The following CSMD1 variants were observed in gnomAD, a reference collection of about 807,000 sequenced individuals.
CSMD1 encodes CUB and Sushi multiple domains 1.
A neutral mutation model predicts 417.5 loss-of-function variants in CSMD1; 213 were observed. That is an observed-to-expected ratio of 0.51 (90% CI 0.46 to 0.57). The LOEUF (loss-of-function observed/expected upper bound fraction) is 0.57. CSMD1 is among the 20% of genes least tolerant of loss of function. CSMD1 has a pLI of 0.00. For missense variants in CSMD1, 6,923 were observed against 4,529.7 expected (o/e 1.53, Z -15.17); for synonymous variants, 2,862 against 1,736.8 (o/e 1.65, Z -16.11).
intron 9 of CSMD1, among the ~76,000 whole-genome samples, chr8:3,576,125 T>C (rs1052290466): frequency 3.9e-5 from 6 of 152,146 alleles, no homozygotes; most frequent in African/African-American, 1.4e-4. Context: ...GTTATTATTC[T>C]AGCAGACTCA....
chr8:2,991,589 C>T (rs935747693), intron 54 of CSMD1, among the ~76,000 whole-genome samples: 1 of 152,048 alleles, frequency 6.6e-6, no homozygotes, highest in Non-Finnish European at 1.5e-5. Context: ...ATTGCCATTT[C>T]CTTATGAGCA....
intron 47 of CSMD1, among the ~76,000 whole-genome samples, chr8:3,095,327 T>C (rs1416214647): frequency 6.6e-6 from 1 of 152,156 alleles, no homozygotes; most frequent in Admixed American, 6.5e-5. Context: ...CAAATAGAGT[T>C]TACCTCTCTT....
chr8:4,963,559 T>C (rs1212037428), intron 1 of CSMD1, among the ~76,000 whole-genome samples: 1 of 152,230 alleles, frequency 6.6e-6, no homozygotes, highest in Admixed American at 6.5e-5. Context: ...TTTTGTGTCT[T>C]TCCTATTGGT....
chr8:3,120,041 G>C (rs1296675003), intron 41 of CSMD1, among the ~76,000 whole-genome samples: 1 of 152,200 alleles, frequency 6.6e-6, no homozygotes, highest in African/African-American at 2.4e-5. Flanking sequence ...CAATATTGGA[G>C]TGAGCCTGTA....
At chr8:4,625,638 T>G (rs1310513743) in intron 2 of CSMD1, among the ~76,000 whole-genome samples, 1 of 151,922 alleles carries the variant, frequency 6.6e-6, no homozygotes, top group Non-Finnish European at 1.5e-5. Flanking sequence ...TTAGAAATAT[T>G]TAATCTAAAA....
At chr8:4,421,255 A>C (rs988466797) in intron 2 of CSMD1, among the ~76,000 whole-genome samples, 1 of 152,206 alleles carries the variant, frequency 6.6e-6, no homozygotes, top group African/African-American at 2.4e-5. Context: ...AAAACAAAAA[A>C]CAAAAAACAG....
At chr8:3,772,051 T>G (rs1400760762) in intron 5 of CSMD1, among the ~76,000 whole-genome samples, 6 of 151,718 alleles carry the variant, frequency 4.0e-5, no homozygotes, top group Non-Finnish European at 8.8e-5. Flanking sequence ...AGTGCGAGCA[T>G]CTGAGTCTGC....
At chr8:4,184,982 T>C (rs1472399095) in intron 3 of CSMD1, among the ~76,000 whole-genome samples, 1 of 151,368 alleles carries the variant, frequency 6.6e-6, no homozygotes, top group Non-Finnish European at 1.5e-5. Flanking sequence ...TATTAAAAAA[T>C]ACAAAAATTA....
intron 1 of CSMD1, among the ~76,000 whole-genome samples, chr8:4,781,284 G>A (rs1797139385): frequency 6.6e-6 from 1 of 152,154 alleles, no homozygotes; most frequent in Non-Finnish European, 1.5e-5. Flanking sequence ...TCAGCATCAT[G>A]AAAACAAAAA....
chr8:3,040,064 G>C (rs544681667), intron 50 of CSMD1, among the ~76,000 whole-genome samples: 50 of 152,276 alleles, frequency 3.3e-4, no homozygotes, highest in Admixed American at 2.7e-3. Flanking sequence ...GTCTCCTATG[G>C]ATTGGTCCAG....
intron 11 of CSMD1, among the ~76,000 whole-genome samples, chr8:3,473,020 G>T (rs1054039925): frequency 6.6e-6 from 1 of 151,808 alleles, no homozygotes; most frequent in Non-Finnish European, 1.5e-5. Context: ...CTGTCTCCTG[G>T]TTCTGGCATT....
intron 3 of CSMD1, among the ~76,000 whole-genome samples, chr8:4,410,307 G>A (rs571313356): frequency 2.8e-4 from 43 of 152,218 alleles, no homozygotes; most frequent in South Asian, 1.0e-3. Flanking sequence ...GGTAATGAGC[G>A]CTTAGTCACC....
chr8:3,562,484 G>A (rs1445304400), intron 10 of CSMD1, among the ~76,000 whole-genome samples: 1 of 148,510 alleles, frequency 6.7e-6, no homozygotes, highest in Admixed American at 6.7e-5. Flanking sequence ...CACACATTAA[G>A]GTTGAACACA....
At chr8:4,519,789 C>A (rs1053019003) in intron 2 of CSMD1, among the ~76,000 whole-genome samples, 4 of 114,228 alleles carry the variant, frequency 3.5e-5, no homozygotes, top group African/African-American at 1.5e-4. Context: ...AAAATTCTTG[C>A]CTTTTGGAGC....
intron 2 of CSMD1, among the ~76,000 whole-genome samples, chr8:4,459,897 T>C (rs1221066186): frequency 1.3e-5 from 2 of 152,130 alleles, no homozygotes; most frequent in African/African-American, 4.8e-5. Flanking sequence ...CTGACAAAAT[T>C]GCATGCCAAA....
intron 1 of CSMD1, among the ~76,000 whole-genome samples, chr8:4,817,714 T>C (rs1344738428): frequency 1.3e-5 from 2 of 152,250 alleles, no homozygotes; most frequent in Non-Finnish European, 2.9e-5. Context: ...TTAAATTGCA[T>C]AATTTTGTTT....
intron 3 of CSMD1, among the ~76,000 whole-genome samples, chr8:4,378,933 G>C (rs1020276294): frequency 2.0e-5 from 3 of 152,258 alleles, no homozygotes; most frequent in East Asian, 3.9e-4. Flanking sequence ...CTGGAATTGT[G>C]ATAAATTCCT....
intron 3 of CSMD1, among the ~76,000 whole-genome samples, chr8:4,167,285 T>C (rs144505401): frequency 7.5e-4 from 114 of 152,280 alleles, no homozygotes; most frequent in African/African-American, 2.6e-3. Flanking sequence ...TTTAGAAAAT[T>C]CGTGTCTATA....
intron 37 of CSMD1, among the ~76,000 whole-genome samples, chr8:3,179,980 G>A (rs1326848826): frequency 6.6e-6 from 1 of 152,080 alleles, no homozygotes; most frequent in African/African-American, 2.4e-5. Context: ...TGGCAATCTG[G>A]CCTTTCAAAA....
Sources: allele counts gnomAD v4.1 joint callset (sites outside exome capture counted in the v4.1 genomes callset), GRCh38; gene constraint gnomAD v4.1.1; transcripts MANE v1.5; gene names NCBI Gene and HGNC (gene_info 2026-07-23, HGNC 2026-07-21).